The following PKD1L3 variants were observed in gnomAD, a reference collection of about 807,000 sequenced individuals.
PKD1L3 encodes polycystin 1 like 3, transient receptor potential channel interacting.
In PKD1L3, 239 loss-of-function variants were observed where a neutral mutation model predicts 184.1. The observed-to-expected ratio is 1.30, with a 90% CI of 1.17 to 1.45. PKD1L3 has a LOEUF of 1.45. Among genes scored for constraint, PKD1L3 ranks in the 40% most tolerant of loss-of-function variants. The pLI, the probability that PKD1L3 is intolerant of heterozygous loss-of-function variation, is 0.00. For synonymous variants in PKD1L3, 996 were observed against 778.8 expected (o/e 1.28, Z -4.64); for missense variants, 2,660 against 2,067.2 (o/e 1.29, Z -5.56).
chr16:71,969,926 A>G lies in PKD1L3; in HGVS notation c.2133T>C (p.Tyr711=). The change falls in exon 13 of 30, where the codon TAT becomes TAC. Residue 711 remains tyrosine, a synonymous_variant. Transcript: ENST00000620267. ...TCCGAGCCCACACAACTGTGATCAC[A>G]TAAAATCCTAAAAGGCTGGCCAGCA... is the stretch of plus-strand genomic sequence containing the variant. ...VSLLASLLGF[Y]VITVVWARKK... 1 of 1,552,088 alleles carries G rather than the reference A, an allele frequency of 6.4e-7. No individual in the cohort carries two copies. Among genetic ancestry groups the G allele is most frequent in the Non-Finnish European group, 8.7e-7 (1 of 1,147,106 alleles).
intron 15 of PKD1L3, among the ~76,000 whole-genome samples, chr16:71,965,891 T>G (rs2039485266): frequency 6.6e-6 from 1 of 152,174 alleles, no homozygotes; most frequent in Non-Finnish European, 1.5e-5. Context: ...TTCTGATGGA[T>G]GGCTAGTGCT....
intron 2 of PKD1L3, among the ~76,000 whole-genome samples, chr16:71,995,465 C>T (rs2040752459): frequency 6.6e-6 from 1 of 152,114 alleles, no homozygotes; most frequent in Non-Finnish European, 1.5e-5. Flanking sequence ...TCATAGGTAA[C>T]CATTTTCATT....
chr16:71,991,177 A>G, intron 3 of PKD1L3: 2 of 200,954 alleles, frequency 1.0e-5, no homozygotes, highest in Non-Finnish European at 2.2e-5. Flanking sequence ...CCTGTTCTCC[A>G]GTGTCTCCTC....
At chr16:71,979,980 C>G (rs1412221517) in intron 8 of PKD1L3, 27 bp downstream of exon 8, 35 of 1,550,448 alleles carry the variant, frequency 2.3e-5, no homozygotes, top group Non-Finnish European at 2.9e-5. Context: ...CACAGTGAAA[C>G]TCTCCCCGTT....
chr16:71,940,990 C>T (rs142468293), intron 24 of PKD1L3, among the ~76,000 whole-genome samples: 1 of 152,128 alleles, frequency 6.6e-6, no homozygotes, highest in African/African-American at 2.4e-5. Flanking sequence ...TGCACACCAC[C>T]ATGCCAGGCT....
intron 16 of PKD1L3, among the ~76,000 whole-genome samples, chr16:71,956,489 G>C (rs564743714): frequency 6.6e-5 from 10 of 152,076 alleles, no homozygotes; most frequent in African/African-American, 2.4e-4. Context: ...CACCGCACCC[G>C]GCCCAAAAAG....
At position 71,948,803 on chromosome 16, in the gene PKD1L3, T is replaced by TAAAAAAAAAAAAAA. The variant is rs57129483; in HGVS notation, c.3618+966_3618+979dup. Among the ~76,000 whole-genome samples the TAAAAAAAAAAAAAA allele has an allele frequency of 2.8e-4, 23 of 81,188 alleles. 2 individuals carry two copies. The highest frequency in any genetic ancestry group is 1.3e-3 in the South Asian group (2 of 1,534). The allele number at this position is 81,188 out of a possible 152,430, so 53.3% of individuals were successfully genotyped here. ...AATTTATATCTTAACTTACATATAG[T>TAAAAAAAAAAAAAA]AAAAAAAAAAAAAAAAAAAAAAGTC... On this transcript the variant is annotated intron_variant, in intron 21 of 29. Coordinates refer to ENST00000620267, the MANE Select transcript of PKD1L3 (RefSeq NM_181536.2).
chr16:71,971,750 T>C (rs1193390082), intron 12 of PKD1L3, among the ~76,000 whole-genome samples: 1 of 152,214 alleles, frequency 6.6e-6, no homozygotes, highest in Non-Finnish European at 1.5e-5. Flanking sequence ...TTGATAGCCA[T>C]TGTCCAGCTA....
chr16:71,999,131 C>T (rs1465134748), intron 1 of PKD1L3, among the ~76,000 whole-genome samples: 2 of 151,848 alleles, frequency 1.3e-5, no homozygotes, highest in African/African-American at 2.4e-5. Flanking sequence ...ATTAGTCGGG[C>T]GTGGTGGCGG....
intron 2 of PKD1L3, among the ~76,000 whole-genome samples, chr16:71,995,772 G>A (rs2040762796): frequency 6.6e-6 from 1 of 152,216 alleles, no homozygotes; most frequent in Non-Finnish European, 1.5e-5. Flanking sequence ...ACTGGGTCAA[G>A]GGTAGATGTA....
At chr16:71,951,817 T>C (rs1016798114) in intron 18 of PKD1L3, 73 bp from the exon 19 acceptor site, 1 of 1,363,922 alleles carries the variant, frequency 7.3e-7, no homozygotes, top group Non-Finnish European at 1.0e-6. Context: ...TTACAGGTGG[T>C]AAGGCCGTTC....
At chr16:71,958,024 A>G (rs1348944425) in intron 16 of PKD1L3, among the ~76,000 whole-genome samples, 4 of 152,232 alleles carry the variant, frequency 2.6e-5, no homozygotes, top group Non-Finnish European at 5.9e-5. Flanking sequence ...TAAAATCTTC[A>G]AAGTGTTAAG....
At position 71,929,896 on chromosome 16, in the gene PKD1L3, G is replaced by A. The variant is rs997992427; in HGVS notation, c.5058+156C>T. 1.2e-5 allele frequency: 13 copies of A among 1,095,218 alleles called. No individual in the cohort carries two copies. The African/African-American group carries it at 2.1e-4, about 18-fold the overall frequency. 67.8% of individuals were successfully genotyped at this position (1,095,218 alleles called of 1,614,324 possible). Reference sequence around the variant, plus strand: ...AATATTATGTAGTCTTATAAATTGGGTTTCCTAGGAAGATAGCTGGCAGAG... The same window carrying A: ...AATATTATGTAGTCTTATAAATTGGATTTCCTAGGAAGATAGCTGGCAGAG... On this transcript the variant is annotated intron_variant, in intron 29 of 29. Coordinates refer to ENST00000620267, the MANE Select transcript of PKD1L3 (RefSeq NM_181536.2).
chr16:71,978,406 T>A, intron 9 of PKD1L3, 23 bp from the exon 10 acceptor site: 7 of 1,537,730 alleles, frequency 4.6e-6, no homozygotes, highest in Non-Finnish European at 6.2e-6. Flanking sequence ...AGAAGCCCAG[T>A]TTTATCCATT....
At chr16:71,933,360 C>T (rs995236798) in intron 28 of PKD1L3, 60 bp downstream of exon 28, 1 of 1,274,364 alleles carries the variant, frequency 7.8e-7, no homozygotes, top group South Asian at 1.3e-5. Context: ...CATAAGGACC[C>T]CCCCAATTTT....
At chr16:71,986,190 G>A (rs1783855023) in intron 5 of PKD1L3, 31 bp downstream of exon 5, 3 of 1,548,954 alleles carry the variant, frequency 1.9e-6, no homozygotes, top group Non-Finnish European at 2.6e-6. Flanking sequence ...GGGTCACAAA[G>A]CTACCTGTGA....
chr16:71,943,061 G>C, intron 23 of PKD1L3, 37 bp from the exon 24 acceptor site: 2 of 1,443,310 alleles, frequency 1.4e-6, no homozygotes, highest in Non-Finnish European at 1.9e-6. Flanking sequence ...ATAGTTGAGT[G>C]GTTAACTTAG....
In PKD1L3 at chr16:71,999,777, C is replaced by G. The variant is rs1225340493; in HGVS notation, c.202G>C (p.Asp68His). The G allele has an allele frequency of 6.4e-7, 1 of 1,551,620 alleles. No individual in the cohort carries two copies. Among genetic ancestry groups the G allele is most frequent in the Non-Finnish European group, 8.7e-7 (1 of 1,147,014 alleles). Residue 68 changes from aspartate to histidine, a missense_variant, in exon 1 of 30, where the codon GAT (aspartate) becomes CAT (histidine). Transcript: ENST00000620267. ...TCTTCCAGATAGTCCCGGATGAGAT[C>G]TTGAACTTCCTTGTTCCAAATATGA... Reference protein sequence around the residue: ...LAHIWNKEVQDLIRDYLEEGK... With the variant: ...LAHIWNKEVQHLIRDYLEEGK...
At chr16:71,972,336 G>A (rs1384517830) in intron 12 of PKD1L3, among the ~76,000 whole-genome samples, 1 of 152,214 alleles carries the variant, frequency 6.6e-6, no homozygotes, top group South Asian at 2.1e-4. Flanking sequence ...CGGGGCAGAG[G>A]TTGCGGTGAG....
Sources: allele counts gnomAD v4.1 joint callset (sites outside exome capture counted in the v4.1 genomes callset), GRCh38; gene constraint gnomAD v4.1.1; transcripts MANE v1.5; gene names NCBI Gene and HGNC (gene_info 2026-07-23, HGNC 2026-07-21).